SCML4: variants seen among roughly 807,000 people sequenced by gnomAD.
The protein encoded by SCML4 is Scm polycomb group protein like 4, also known as sex comb on midleg-like protein 4.
A neutral mutation model predicts 41.1 loss-of-function variants in SCML4; 34 were observed. The observed-to-expected ratio is 0.83, with a 90% confidence interval of 0.63 to 1.10. The LOEUF (loss-of-function observed/expected upper bound fraction) is 1.10, where lower values mean the gene tolerates loss of function less well. Ranked by LOEUF, SCML4 falls within the 50% of genes least tolerant of loss-of-function variation. The probability of loss-of-function intolerance (pLI) is 0.00; values close to 1 mark genes in which losing one functional copy is unlikely to be tolerated. For missense variants in SCML4, 522 were observed against 534.1 expected (o/e 0.98, Z 0.22); for synonymous variants, 214 against 220.9 (o/e 0.97, Z 0.28).
At chr6:107,842,396 A>G in the SCML4 span, among the ~76,000 whole-genome samples, 1 of 152,218 alleles carries the variant, frequency 6.6e-6, no homozygotes, top group Admixed American at 6.5e-5. Flanking sequence ...TCTGTTGCTG[A>G]GTAGAGTATT....
At chr6:107,814,486 C>T (rs534717840) in intron 1 of SCML4, among the ~76,000 whole-genome samples, 3 of 152,160 alleles carry the variant, frequency 2.0e-5, no homozygotes, top group African/African-American at 7.2e-5. Flanking sequence ...CATCACAGTC[C>T]CTCAGTAGTG....
chr6:107,737,385 T>A (rs1048259458), intron 5 of SCML4, among the ~76,000 whole-genome samples: 1 of 152,176 alleles, frequency 6.6e-6, no homozygotes, highest in South Asian at 2.1e-4. Flanking sequence ...CTTCCCCAGA[T>A]ATGCAAGCCT....
intron 1 of SCML4, among the ~76,000 whole-genome samples, chr6:107,819,550 T>C (rs1784795301): frequency 6.6e-6 from 1 of 151,832 alleles, no homozygotes; most frequent in African/African-American, 2.4e-5. Context: ...AAGTAAGACC[T>C]CCTCAGCCCA....
At position 107,705,183 on chromosome 6, in the gene SCML4, CT is replaced by C; in HGVS notation, c.*16del. 6.4e-7 allele frequency: 1 copy of C among 1,551,088 alleles called. No individual in the cohort carries two copies. Among genetic ancestry groups the C allele is most frequent in the East Asian group, 2.4e-5 (1 of 40,916 alleles). ...GGATCTGTTGTTTTGGGTTTCGCTT[CT>C]GTCTTTTTAAAAAAGTCAGAACTTG... On this transcript the variant is annotated 3_prime_UTR_variant, in exon 8 of 8. Transcript: ENST00000369020.
intron 5 of SCML4, among the ~76,000 whole-genome samples, chr6:107,730,479 A>G (rs1776430660): frequency 6.6e-6 from 1 of 152,240 alleles, no homozygotes; most frequent in Non-Finnish European, 1.5e-5. Context: ...CCAGCTTAAC[A>G]AAGCAAGGTA....
At chr6:107,713,997 C>T (rs1774495197) in intron 6 of SCML4, among the ~76,000 whole-genome samples, 1 of 152,058 alleles carries the variant, frequency 6.6e-6, no homozygotes, top group African/African-American at 2.4e-5. Context: ...CTGCAACCTC[C>T]GCCTCCCAGG....
At chr6:107,836,781 C>A in the SCML4 span, among the ~76,000 whole-genome samples, 1 of 152,088 alleles carries the variant, frequency 6.6e-6, no homozygotes, top group Non-Finnish European at 1.5e-5. Context: ...AAATCAGGAC[C>A]ACATATTCCA....
chr6:107,721,216 T>C (rs1562180217), intron 5 of SCML4, among the ~76,000 whole-genome samples: 1 of 152,044 alleles, frequency 6.6e-6, no homozygotes, highest in Non-Finnish European at 1.5e-5. Context: ...AATTAGGAGG[T>C]GTGCTCCTCG....
chr6:107,770,144 G>A (rs972540778), intron 2 of SCML4, among the ~76,000 whole-genome samples: 5 of 152,136 alleles, frequency 3.3e-5, no homozygotes, highest in African/African-American at 1.2e-4. Flanking sequence ...TCCAGGTCTA[G>A]GAAATTGTCA....
chr6:107,794,232 T>G (rs1354675131), intron 1 of SCML4, among the ~76,000 whole-genome samples: 3 of 152,236 alleles, frequency 2.0e-5, no homozygotes, highest in African/African-American at 7.2e-5. Flanking sequence ...CTGGATTGGA[T>G]TGAATTAAAC....
At chr6:107,828,628 G>C (rs986410164), upstream of SCML4, among the ~76,000 whole-genome samples, 30 of 152,262 alleles carry the variant, frequency 2.0e-4, no homozygotes, top group African/African-American at 5.5e-4. Context: ...GTAAGGAAGG[G>C]AGAACAGCCT....
At chr6:107,841,752 C>A in the SCML4 span, among the ~76,000 whole-genome samples, 66 of 152,318 alleles carry the variant, frequency 4.3e-4, no homozygotes, top group African/African-American at 1.5e-3. Context: ...ACATTTACTA[C>A]ATCTAGTTTC....
intron 5 of SCML4, among the ~76,000 whole-genome samples, chr6:107,741,721 T>A (rs1440420759): frequency 6.6e-6 from 1 of 152,224 alleles, no homozygotes; most frequent in African/African-American, 2.4e-5. Context: ...AATCATTCAC[T>A]AGAGCTAAGG....
At chr6:107,750,216 C>T (rs1473172286) in intron 2 of SCML4, among the ~76,000 whole-genome samples, 2 of 152,222 alleles carry the variant, frequency 1.3e-5, no homozygotes, top group Admixed American at 6.5e-5. Flanking sequence ...GAGACCAACC[C>T]TTCACTGTCT....
At chr6:107,816,876 T>C (rs1026731836) in intron 1 of SCML4, among the ~76,000 whole-genome samples, 17 of 152,226 alleles carry the variant, frequency 1.1e-4, no homozygotes, top group Admixed American at 3.9e-4. Context: ...AGTGGCACCA[T>C]GGTTTCAGCA....
intron 1 of SCML4, among the ~76,000 whole-genome samples, chr6:107,815,671 G>A (rs1409668317): frequency 6.6e-6 from 1 of 152,206 alleles, no homozygotes; most frequent in African/African-American, 2.4e-5. Context: ...GTTGCCCAGA[G>A]GCGGGTGCCT....
chr6:107,706,534 T>A (rs1475064260), intron 7 of SCML4, among the ~76,000 whole-genome samples: 1 of 152,228 alleles, frequency 6.6e-6, no homozygotes, highest in Non-Finnish European at 1.5e-5. Context: ...GAAGGCGGAA[T>A]AATGCTCCTT....
intron 2 of SCML4, among the ~76,000 whole-genome samples, chr6:107,751,649 T>TCTTTCTTTCTTTCTTTCTTTC (rs60515260): frequency 3.5e-4 from 50 of 141,082 alleles, no homozygotes; most frequent in East Asian, 1.4e-3. Context: ...TTTCTTTCTT[T>TCTTTCTTTCTTTCTTTCTTTC]TTTGAGAGGG....
At position 107,810,019 on chromosome 6, in the gene SCML4, G is replaced by T. The variant is rs1784045117; in HGVS notation, c.-60+14107C>A. On this transcript the variant is annotated intron_variant, in intron 1 of 7. Coordinates refer to ENST00000369020, the MANE Select transcript of SCML4 (RefSeq NM_198081.5). ...CTGTGCCAGGCACTGTGCTCATGTG[G>T]TCAGGGGAGAGGGCAGTTAGCAAAC... Among the ~76,000 whole-genome samples, 3 of 152,162 alleles carry T rather than the reference G, an allele frequency of 2.0e-5. No homozygotes were observed. The South Asian group carries it at 6.2e-4, about 32-fold the overall frequency.
Sources: allele counts gnomAD v4.1 joint callset (sites outside exome capture counted in the v4.1 genomes callset), GRCh38; gene constraint gnomAD v4.1.1; transcripts MANE v1.5; gene names NCBI Gene and HGNC (gene_info 2026-07-23, HGNC 2026-07-21).